Variants in NALCN observed in about 807,000 individuals in gnomAD.
NALCN encodes sodium leak channel, non-selective, also known as sodium leak channel NALCN.
Under a neutral mutation model 225.3 loss-of-function variants are expected in NALCN, and 111 were observed. That is an observed-to-expected ratio of 0.49 (90% confidence interval 0.42 to 0.58). The LOEUF (loss-of-function observed/expected upper bound fraction) is 0.58, where lower values mean the gene tolerates loss of function less well. Among genes scored for constraint, NALCN ranks in the 20% least tolerant of loss-of-function variants. The pLI, the probability that NALCN is intolerant of heterozygous loss-of-function variation, is 0.00. For synonymous variants in NALCN, 764 were observed against 769.0 expected (o/e 0.99, Z 0.11); for missense variants, 1,378 against 2,202.4 (o/e 0.63, Z 7.49).
chr13:101,251,416 A>G (rs1226560405), intron 11 of NALCN, among the ~76,000 whole-genome samples: 1 of 152,094 alleles, frequency 6.6e-6, no homozygotes, highest in African/African-American at 2.4e-5. Flanking sequence ...GGAGATCAAG[A>G]AGTGGTACAC....
chr13:101,354,888 C>T (rs755425975), intron 6 of NALCN, among the ~76,000 whole-genome samples: 10 of 152,064 alleles, frequency 6.6e-5, no homozygotes, highest in Non-Finnish European at 1.0e-4. Context: ...TTTGTCCTTG[C>T]GCAAATCTCA....
At chr13:101,405,230 T>C (rs149686526) in intron 1 of NALCN, among the ~76,000 whole-genome samples, 2,692 of 152,306 alleles carry the variant, frequency 0.018, 44 homozygotes, top group South Asian at 0.045. Flanking sequence ...AAGATGGCCT[T>C]GTTTCTGTAA....
chr13:101,074,296 A>T (rs757943912), intron 36 of NALCN, among the ~76,000 whole-genome samples: 1 of 151,986 alleles, frequency 6.6e-6, no homozygotes, highest in Non-Finnish European at 1.5e-5. Context: ...TTTATTTCTA[A>T]TTTTTCTAAG....
chr13:101,411,689 G>A (rs1004843985), intron 1 of NALCN, among the ~76,000 whole-genome samples: 2 of 152,236 alleles, frequency 1.3e-5, no homozygotes, highest in South Asian at 2.1e-4. Context: ...TGCTCTGATC[G>A]TTGGTATATA....
chr13:101,115,592 T>C (rs887539598), intron 18 of NALCN, among the ~76,000 whole-genome samples: 2 of 152,180 alleles, frequency 1.3e-5, no homozygotes, highest in African/African-American at 4.8e-5. Context: ...AACTTGAATA[T>C]TCCATTTTGT....
chr13:101,121,817 A>C (rs1206330727), intron 18 of NALCN, among the ~76,000 whole-genome samples: 1 of 152,138 alleles, frequency 6.6e-6, no homozygotes, highest in Non-Finnish European at 1.5e-5. Flanking sequence ...AATCGACAGC[A>C]AGGTTGGAGC....
intron 34 of NALCN, among the ~76,000 whole-genome samples, 188 bp from the exon 35 acceptor site, chr13:101,076,129 A>C (rs1269791946): frequency 6.6e-6 from 1 of 152,252 alleles, no homozygotes; most frequent in African/African-American, 2.4e-5. Flanking sequence ...ATTAGATTTA[A>C]AATTCAGTCT....
chr13:101,211,625 T>TGG (rs201195727), intron 13 of NALCN, among the ~76,000 whole-genome samples: 1 of 145,360 alleles, frequency 6.9e-6, no homozygotes, highest in African/African-American at 2.6e-5. Context: ...CAGTTTTTTT[T>TGG]GGGGGGGGAG....
At chr13:101,165,030 C>T (rs561016215) in intron 15 of NALCN, among the ~76,000 whole-genome samples, 73 of 152,286 alleles carry the variant, frequency 4.8e-4, no homozygotes, top group African/African-American at 1.6e-3. Context: ...GGTCCTCTCG[C>T]TCCTGGGCAG....
At chr13:101,378,712 G>T in intron 3 of NALCN, 59 bp from the exon 4 acceptor site, 3 of 1,394,026 alleles carry the variant, frequency 2.2e-6, no homozygotes, top group Non-Finnish European at 3.0e-6. Context: ...AGAACAATCT[G>T]TGGAGGAAAA....
At chr13:101,219,703 C>T (rs1002053705) in intron 13 of NALCN, among the ~76,000 whole-genome samples, 5 of 152,136 alleles carry the variant, frequency 3.3e-5, no homozygotes, top group African/African-American at 1.2e-4. Context: ...CTTCCAGGTA[C>T]AGATTGACAA....
chr13:101,351,233 G>A (rs771438314), intron 6 of NALCN, among the ~76,000 whole-genome samples: 2 of 152,090 alleles, frequency 1.3e-5, no homozygotes, highest in African/African-American at 4.8e-5. Flanking sequence ...ACTTTTAAGT[G>A]TAATAATCCA....
At chr13:101,354,665 G>A (rs1171580518) in intron 6 of NALCN, among the ~76,000 whole-genome samples, 3 of 152,216 alleles carry the variant, frequency 2.0e-5, no homozygotes, top group Non-Finnish European at 4.4e-5. Context: ...TCTTTCTTGT[G>A]AAGATCAAAT....
intron 11 of NALCN, among the ~76,000 whole-genome samples, chr13:101,245,207 T>G (rs1488010003): frequency 6.6e-6 from 1 of 152,242 alleles, no homozygotes; most frequent in Non-Finnish European, 1.5e-5. Flanking sequence ...TGTTTCATAT[T>G]CTGCAGTGCA....
intron 18 of NALCN, among the ~76,000 whole-genome samples, chr13:101,122,361 T>G (rs2036020066): frequency 6.6e-6 from 1 of 152,186 alleles, no homozygotes; most frequent in South Asian, 2.1e-4. Context: ...AAAGGTGATA[T>G]AGCTCAGGTA....
At chr13:101,060,275 G>GTTTTTTTTTTGTTT (rs2031763691) in intron 41 of NALCN, among the ~76,000 whole-genome samples, 1 of 79,854 alleles carries the variant, frequency 1.3e-5, no homozygotes, top group Non-Finnish European at 2.3e-5. Context: ...GGTGTTTTCT[G>GTTTTTTTTTTGTTT]TTTTTTTTTT....
At chr13:101,294,212 G>T (rs1014780544) in intron 7 of NALCN, among the ~76,000 whole-genome samples, 3 of 152,064 alleles carry the variant, frequency 2.0e-5, no homozygotes, top group Admixed American at 6.6e-5. Context: ...AATTATTAAT[G>T]GGTACAAACA....
At chr13:101,356,013 G>C (rs1200923417) in intron 6 of NALCN, among the ~76,000 whole-genome samples, 1 of 152,090 alleles carries the variant, frequency 6.6e-6, no homozygotes, top group Non-Finnish European at 1.5e-5. Context: ...AGAACAAAGA[G>C]ACAACGTACC....
intron 15 of NALCN, among the ~76,000 whole-genome samples, chr13:101,150,079 C>A (rs1359844578): frequency 4.5e-5 from 3 of 66,142 alleles, no homozygotes; most frequent in Non-Finnish European, 9.0e-5. Context: ...TGAACTACAT[C>A]TCAGTGTAAG....
Sources: allele counts gnomAD v4.1 joint callset (sites outside exome capture counted in the v4.1 genomes callset), GRCh38; gene constraint gnomAD v4.1.1; transcripts MANE v1.5; gene names NCBI Gene and HGNC (gene_info 2026-07-23, HGNC 2026-07-21).